The following AFF2 variants were observed in gnomAD, a reference collection of about 807,000 sequenced individuals.
AFF2 encodes ALF transcription elongation factor 2, also known as AF4/FMR2 family member 2.
In AFF2, 14 loss-of-function variants were observed where a neutral mutation model predicts 76.9. The observed-to-expected ratio is 0.18, with a 90% CI of 0.12 to 0.28. The LOEUF (loss-of-function observed/expected upper bound fraction) is 0.28, where lower values mean the gene tolerates loss of function less well. AFF2 is among the 10% of genes least tolerant of loss of function. The probability of loss-of-function intolerance (pLI) is 1.00; values close to 1 mark genes in which losing one functional copy is unlikely to be tolerated. For missense variants in AFF2, 868 were observed against 1,001.1 expected (o/e 0.87, Z 1.79); for synonymous variants, 398 against 366.7 (o/e 1.09, Z -0.98).
intron 3 of AFF2, among the ~76,000 whole-genome samples, chrX:148,760,438 C>T (rs1467346481): frequency 1.8e-5 from 2 of 112,453 alleles, no homozygotes; most frequent in African/African-American, 6.5e-5. Context: ...TCTTTTCTGA[C>T]AGAATTCACA....
rs781929148 is a variant in AFF2 at position 148,662,509 on chromosome X, C to T, written c.782C>T (p.Pro261Leu). Reference sequence around the variant, plus strand: ...CTAGTGGCTTCCTCTTTATTAGCTCCTAGCAGTGGCCTTTCAGTTCAAAAC... The same window carrying T: ...CTAGTGGCTTCCTCTTTATTAGCTCTTAGCAGTGGCCTTTCAGTTCAAAAC... ...SPLVASSLLA[P>L]SSGLSVQNFP... The change falls in exon 3 of 21, where the codon CCT becomes CTT. Residue 261 changes from proline to leucine, a missense_variant. Pro to Leu is a moderately conservative substitution (Grantham distance 98). This residue lies in a region of AFF2 where 196 missense variants were observed against 194.8 expected (regional missense o/e 1.01). Coordinates refer to ENST00000370460, the MANE Select transcript of AFF2 (RefSeq NM_002025.4). 2 of 1,212,056 alleles carry T rather than the reference C, an allele frequency of 1.7e-6. No individual in the cohort carries two copies. Among genetic ancestry groups the T allele is most frequent in the Admixed American group, 2.2e-5 (1 of 46,045 alleles).
At chrX:148,788,839 T>TG (rs1436077245) in intron 3 of AFF2, among the ~76,000 whole-genome samples, 1 of 112,089 alleles carries the variant, frequency 8.9e-6, no homozygotes, top group African/African-American at 3.2e-5. Flanking sequence ...ATGTTTACTC[T>TG]GGTTTTTTAA....
intron 2 of AFF2, among the ~76,000 whole-genome samples, chrX:148,656,052 A>G (rs1366911382): frequency 8.9e-6 from 1 of 112,031 alleles, no homozygotes; most frequent in African/African-American, 3.2e-5. Context: ...ACTGATCTCT[A>G]GGACCTATTA....
intron 4 of AFF2, among the ~76,000 whole-genome samples, chrX:148,834,545 G>A (rs1286869627): frequency 3.1e-5 from 3 of 96,705 alleles, no homozygotes; most frequent in African/African-American, 7.7e-5. Flanking sequence ...GTGTGTGTGT[G>A]TGTATGTAAC....
intron 1 of AFF2, among the ~76,000 whole-genome samples, chrX:148,637,893 G>GT (rs1339864741): frequency 2.7e-5 from 3 of 110,150 alleles, no homozygotes; most frequent in East Asian, 2.8e-4. Flanking sequence ...GATAACTGGG[G>GT]TTTTTTTTCT....
chrX:148,585,748 G>A (rs1157206625), intron 1 of AFF2, among the ~76,000 whole-genome samples: 1 of 108,055 alleles, frequency 9.3e-6, no homozygotes, highest in African/African-American at 3.4e-5. Context: ...GGCTGAGGCA[G>A]GAGAATGGTG....
chrX:148,609,714 A>G (rs2053707970), intron 1 of AFF2, among the ~76,000 whole-genome samples: 1 of 111,819 alleles, frequency 8.9e-6, no homozygotes, highest in Non-Finnish European at 1.9e-5. Context: ...CAGGAAATAA[A>G]TAACACAATC....
At chrX:148,614,609 T>TTTCC (rs1345402697) in intron 1 of AFF2, among the ~76,000 whole-genome samples, 3 of 107,973 alleles carry the variant, frequency 2.8e-5, no homozygotes, top group Admixed American at 2.0e-4. Context: ...TTCTCTTTCT[T>TTTCC]TTCCTTCCTT....
At chrX:148,799,930 A>G (rs1029233532) in intron 3 of AFF2, among the ~76,000 whole-genome samples, 3 of 111,346 alleles carry the variant, frequency 2.7e-5, no homozygotes, top group Non-Finnish European at 5.7e-5. Flanking sequence ...GGAGATGTAG[A>G]TTTAATTAAT....
chrX:148,714,252 G>T (rs2055002208), intron 3 of AFF2, among the ~76,000 whole-genome samples: 1 of 111,794 alleles, frequency 8.9e-6, no homozygotes, highest in Non-Finnish European at 1.9e-5. Context: ...TTGATTAATT[G>T]CTTGTGGTAC....
chrX:148,588,855 G>A (rs16994640), intron 1 of AFF2, among the ~76,000 whole-genome samples: 1 of 111,305 alleles, frequency 9.0e-6, no homozygotes, highest in Admixed American at 9.6e-5. Context: ...TTGTAGAACC[G>A]CAAAAACATA....
intron 16 of AFF2, among the ~76,000 whole-genome samples, chrX:148,977,450 G>A (rs188700666): frequency 2.4e-4 from 27 of 110,537 alleles, no homozygotes; most frequent in African/African-American, 8.9e-4. Flanking sequence ...CCTTTTAGCT[G>A]TGTGATTGAG....
At chrX:148,979,802 T>A (rs1674289449) in intron 18 of AFF2, among the ~76,000 whole-genome samples, 1 of 112,626 alleles carries the variant, frequency 8.9e-6, no homozygotes, top group African/African-American at 3.2e-5. Flanking sequence ...ACCTTAGGTG[T>A]GGGTCTACAA....
intron 8 of AFF2, among the ~76,000 whole-genome samples, chrX:148,903,174 A>T (rs1274225225): frequency 9.0e-6 from 1 of 111,710 alleles, no homozygotes; most frequent in African/African-American, 3.3e-5. Context: ...AGGTTGTCAA[A>T]TAGCTGCTTC....
chrX:148,555,620 T>C (rs1297089557), intron 1 of AFF2, among the ~76,000 whole-genome samples: 1 of 111,964 alleles, frequency 8.9e-6, no homozygotes, highest in Non-Finnish European at 1.9e-5. Context: ...ATTTCTTTTT[T>C]GGGACAGTTA....
intron 9 of AFF2, among the ~76,000 whole-genome samples, chrX:148,929,008 C>G (rs1041866856): frequency 1.8e-4 from 20 of 112,013 alleles, no homozygotes; most frequent in African/African-American, 6.5e-4. Context: ...AGAGCCACAC[C>G]ACACACATTT....
chrX:148,726,309 C>G (rs2055154039), intron 3 of AFF2, among the ~76,000 whole-genome samples: 1 of 111,887 alleles, frequency 8.9e-6, no homozygotes, highest in South Asian at 3.7e-4. Context: ...CACACAGGCC[C>G]ACTCTGCCTA....
intron 1 of AFF2, among the ~76,000 whole-genome samples, chrX:148,575,735 G>A (rs1344050702): frequency 9.1e-6 from 1 of 110,102 alleles, no homozygotes; most frequent in Non-Finnish European, 1.9e-5. Context: ...TTCAACTTGT[G>A]TCCCATTGCA....
At chrX:148,552,805 C>T (rs782040177) in intron 1 of AFF2, among the ~76,000 whole-genome samples, 1 of 112,178 alleles carries the variant, frequency 8.9e-6, no homozygotes, top group Non-Finnish European at 1.9e-5. Flanking sequence ...AGATTTTTCT[C>T]TAACATGTTT....
Sources: gnomAD v4.1 joint callset for allele counts (sites outside exome capture counted in the v4.1 genomes callset) on GRCh38, gnomAD v4.1.1 for gene constraint, gnomAD v4.1.1 regional missense constraint, MANE v1.5 for transcripts, NCBI Gene and HGNC (gene_info 2026-07-23, HGNC 2026-07-21) for gene names.